ZNF253: variants seen among roughly 807,000 people sequenced by gnomAD.
The protein encoded by ZNF253 is DNA-binding protein.
ZNF253 carries 8 observed loss-of-function variants against 11.9 expected under a neutral mutation model. The ratio of observed to expected loss-of-function variants is 0.67; its 90% confidence interval spans 0.40 to 1.22. The LOEUF is 1.22. Ranked by LOEUF, ZNF253 falls within the 50% of genes most tolerant of loss-of-function variation. The pLI is 0.01. For missense variants in ZNF253, 485 were observed against 586.9 expected (o/e 0.83, Z 1.79); for synonymous variants, 194 against 194.9 (o/e 1.00, Z 0.04).
chr19:19,876,944 C>T (rs554392939), intron 1 of ZNF253, among the ~76,000 whole-genome samples: 3 of 152,156 alleles, frequency 2.0e-5, no homozygotes, highest in African/African-American at 7.2e-5. Context: ...TCTTATATGC[C>T]ATGCAGGATT....
In ZNF253 at chr19:19,882,632, C is replaced by T. The variant is rs111628826; in HGVS notation, c.226+2486C>T. ...TTTTAATTTGTATTACAATTTTAGA[C>T]AATTTGCAATTCTGTTTGTACACTT... On this transcript the variant is annotated intron_variant, in intron 3 of 3. Coordinates refer to ENST00000589717, the MANE Select transcript of ZNF253 (RefSeq NM_021047.3). Among the ~76,000 whole-genome samples the T allele has an allele frequency of 4.2e-3, 644 of 152,198 alleles. 2 individuals carry two copies. Among genetic ancestry groups the T allele is most frequent in the South Asian group, 0.016 (77 of 4,812 alleles).
intron 1 of ZNF253, among the ~76,000 whole-genome samples, chr19:19,872,354 T>C (rs994188871): frequency 6.6e-6 from 1 of 151,980 alleles, no homozygotes; most frequent in Non-Finnish European, 1.5e-5. Context: ...TTTTGAGATT[T>C]GGGAAATAAA....
intron 1 of ZNF253, among the ~76,000 whole-genome samples, chr19:19,868,671 G>A (rs2063120983): frequency 6.6e-6 from 1 of 151,734 alleles, no homozygotes; most frequent in Admixed American, 6.6e-5. Context: ...TCTTTAAAAA[G>A]TTCCAAAAAA....
intron 3 of ZNF253, among the ~76,000 whole-genome samples, chr19:19,886,520 A>C (rs2063206887): frequency 6.6e-6 from 1 of 152,126 alleles, no homozygotes; most frequent in South Asian, 2.1e-4. Flanking sequence ...TCATGGGGCA[A>C]ATTTCTCATG....
chr19:19,879,191 C>A (rs1035297777), intron 2 of ZNF253, among the ~76,000 whole-genome samples: 1 of 151,842 alleles, frequency 6.6e-6, no homozygotes, highest in Non-Finnish European at 1.5e-5. Flanking sequence ...AATAATGCTT[C>A]ATTAAGCAAA....
At chr19:19,871,182 A>G (rs1226040869) in intron 1 of ZNF253, 1 of 152,190 alleles carries the variant, frequency 6.6e-6, no homozygotes, top group Admixed American at 6.5e-5. Context: ...CCTTGTCACC[A>G]TTACAAGTAG....
At chr19:19,883,055 A>G (rs2063184550) in intron 3 of ZNF253, among the ~76,000 whole-genome samples, 1 of 152,040 alleles carries the variant, frequency 6.6e-6, no homozygotes, top group African/African-American at 2.4e-5. Flanking sequence ...TATGACCCCA[A>G]TTTTAGTTAT....
In ZNF253 at chr19:19,892,197, G is replaced by A. The variant is rs1193080587; in HGVS notation, c.950G>A (p.Cys317Tyr). The A allele has an allele frequency of 6.2e-7, 1 of 1,613,584 alleles. No homozygotes were observed. Among genetic ancestry groups the A allele is most frequent in the Non-Finnish European group, 8.5e-7 (1 of 1,179,882 alleles). The change falls in exon 4 of 4, where the codon TGT (cysteine) becomes TAT (tyrosine). Residue 317 changes from cysteine to tyrosine, a missense_variant. By Grantham distance (194) the Cys-to-Tyr change is radical. Transcript: ENST00000589717. ...TRGKPYNCEE[C>Y]GKSFKHCSNL... ...GGGAAACCCTACAACTGTGAAGAAT[G>A]TGGCAAATCCTTTAAGCACTGCTCT... is the stretch of plus-strand genomic sequence containing the variant.
intron 1 of ZNF253, among the ~76,000 whole-genome samples, chr19:19,877,626 C>T (rs191703799): frequency 1.1e-4 from 16 of 152,270 alleles, no homozygotes; most frequent in Admixed American, 3.3e-4. Flanking sequence ...CCACCCATCT[C>T]GGCCTCCCAA....
Position 19,891,895 on chromosome 19 carries a change from T to C in ZNF253, c.648T>C (p.Thr216=). 1 of 1,613,906 alleles carries C rather than the reference T, an allele frequency of 6.2e-7. No individual in the cohort carries two copies. Among genetic ancestry groups the C allele is most frequent in the Admixed American group, 1.7e-5 (1 of 60,000 alleles). Residue 216 remains threonine, a synonymous_variant, in exon 4 of 4, where the codon ACT becomes ACC. Transcript: ENST00000589717. ...GKAFNQSANL[T]THKRIHTGEK... ...CTTTTAACCAATCTGCAAACCTTACTACACATAAGAGAATTCATACCGGAG... is the reference window on the plus strand; with the variant it reads ...CTTTTAACCAATCTGCAAACCTTACCACACATAAGAGAATTCATACCGGAG...
intron 1 of ZNF253, among the ~76,000 whole-genome samples, chr19:19,876,656 C>T (rs532153211): frequency 2.6e-5 from 4 of 151,886 alleles, no homozygotes; most frequent in African/African-American, 4.8e-5. Flanking sequence ...TATCAAGATA[C>T]GGGTGTAATT....
chr19:19,880,584 A>G (rs1160775633), intron 3 of ZNF253, among the ~76,000 whole-genome samples: 1 of 152,100 alleles, frequency 6.6e-6, no homozygotes, highest in Non-Finnish European at 1.5e-5. Context: ...GGGCACCTGT[A>G]ATCCCAGCTA....
chr19:19,887,057 TATAAA>T (rs1434195892), intron 3 of ZNF253, among the ~76,000 whole-genome samples: 9 of 152,170 alleles, frequency 5.9e-5, no homozygotes, highest in African/African-American at 2.2e-4. Context: ...CTCACTTTAC[TATAAA>T]ATAATACCAG....
At chr19:19,874,487 G>A (rs189111553) in intron 1 of ZNF253, among the ~76,000 whole-genome samples, 4 of 152,154 alleles carry the variant, frequency 2.6e-5, no homozygotes, top group African/African-American at 9.6e-5. Flanking sequence ...TCATGCCAGT[G>A]CGCTCCAGCC....
chr19:19,881,285 A>G (rs1182458476), intron 3 of ZNF253, among the ~76,000 whole-genome samples: 1 of 151,776 alleles, frequency 6.6e-6, no homozygotes, highest in Non-Finnish European at 1.5e-5. Context: ...TTTTTTCTCT[A>G]TTTTATCAGA....
chr19:19,870,547 A>G lies in ZNF253; in HGVS notation c.3+4548A>G, dbSNP rs543249872. On this transcript the variant is annotated intron_variant, in intron 1 of 3. Coordinates refer to ENST00000589717, the MANE Select transcript of ZNF253 (RefSeq NM_021047.3). Reference sequence around the variant, plus strand: ...ATTACTTTACTCAATAGGAATAATTATGAGTAAACACAATTTTATTATCTT... The same window carrying G: ...ATTACTTTACTCAATAGGAATAATTGTGAGTAAACACAATTTTATTATCTT... Among the ~76,000 whole-genome samples, 3 of 152,294 alleles carry G rather than the reference A, an allele frequency of 2.0e-5. No homozygotes were observed. In the South Asian group the frequency reaches 6.2e-4, roughly 32 times the overall value.
intron 3 of ZNF253, among the ~76,000 whole-genome samples, chr19:19,881,110 A>G (rs1427747476): frequency 1.3e-5 from 2 of 152,210 alleles, no homozygotes; most frequent in African/African-American, 4.8e-5. Flanking sequence ...ACTTTGGATA[A>G]TATGGCACTT....
chr19:19,870,824 A>C (rs1025535849), intron 1 of ZNF253: 6 of 152,152 alleles, frequency 3.9e-5, no homozygotes, highest in African/African-American at 1.4e-4. Context: ...AACTTTATAA[A>C]ATTCTTCTGA....
Position 19,892,444 on chromosome 19 carries a change from T to C in ZNF253, c.1197T>C (p.Asp399=). ...CTGGAGAGAAACCCTACAAATGTGA[T>C]GAATGTGGCAAAACCTTTACCTGGC... The part of the protein sequence containing the change: ...IHTGEKPYKC[D]ECGKTFTWPS... Residue 399 remains aspartate, a synonymous_variant, in exon 4 of 4, where the codon GAT becomes GAC. Coordinates refer to ENST00000589717, the MANE Select transcript of ZNF253 (RefSeq NM_021047.3). 1 of 1,610,416 alleles carries C rather than the reference T, an allele frequency of 6.2e-7. No homozygotes were observed. Among genetic ancestry groups the C allele is most frequent in the East Asian group, 2.2e-5 (1 of 44,624 alleles).
Sources: gnomAD v4.1 joint callset for allele counts (sites outside exome capture counted in the v4.1 genomes callset) on GRCh38, gnomAD v4.1.1 for gene constraint, MANE v1.5 for transcripts, NCBI Gene and HGNC (gene_info 2026-07-23, HGNC 2026-07-21) for gene names.